TRIP4: variants seen among roughly 807,000 people sequenced by gnomAD.
TRIP4 encodes the protein thyroid hormone receptor interactor 4.
A neutral mutation model predicts 81.8 loss-of-function variants in TRIP4; 54 were observed. That is an observed-to-expected ratio of 0.66 (90% CI 0.53 to 0.83). The LOEUF is 0.83. Ranked by LOEUF, TRIP4 falls within the 40% of genes least tolerant of loss-of-function variation. The pLI, the probability that TRIP4 is intolerant of heterozygous loss-of-function variation, is 0.00. For missense variants in TRIP4, 662 were observed against 683.6 expected (o/e 0.97, Z 0.35); for synonymous variants, 270 against 242.8 (o/e 1.11, Z -1.04).
At chr15:64,388,437 G>C (rs888705040) in intron 1 of TRIP4, among the ~76,000 whole-genome samples, 1 of 152,142 alleles carries the variant, frequency 6.6e-6, no homozygotes, top group Non-Finnish European at 1.5e-5. Flanking sequence ...CTCCCAAGTA[G>C]CTGGGATTAC....
chr15:64,423,742 C>T (rs1596350917), intron 9 of TRIP4, among the ~76,000 whole-genome samples: 1 of 152,194 alleles, frequency 6.6e-6, no homozygotes, highest in African/African-American at 2.4e-5. Context: ...CAAGACTGGT[C>T]AGGGTTCCAA....
intron 2 of TRIP4, among the ~76,000 whole-genome samples, 157 bp downstream of exon 2, chr15:64,394,272 C>G (rs1900222332): frequency 6.6e-6 from 1 of 151,826 alleles, no homozygotes. Context: ...TCTACTCAAT[C>G]CGTAATGAAT....
intron 8 of TRIP4, among the ~76,000 whole-genome samples, chr15:64,418,304 G>A (rs1262035914): frequency 6.6e-6 from 1 of 152,128 alleles, no homozygotes; most frequent in African/African-American, 2.4e-5. Context: ...TAGAGATGGG[G>A]TTTCACCATG....
At chr15:64,447,098 C>T (rs576457904) in intron 12 of TRIP4, among the ~76,000 whole-genome samples, 63 of 152,004 alleles carry the variant, frequency 4.1e-4, no homozygotes, top group Admixed American at 1.0e-3. Context: ...AGCGAGACTC[C>T]GTCTCAAAAC....
chr15:64,390,442 C>G (rs114504930), intron 1 of TRIP4, among the ~76,000 whole-genome samples: 1,960 of 149,718 alleles, frequency 0.013, 33 homozygotes, highest in African/African-American at 0.046. Flanking sequence ...TCCTGGGTGA[C>G]AGAGTGAGAC....
intron 12 of TRIP4, among the ~76,000 whole-genome samples, chr15:64,445,449 A>ACCC (rs986246174): frequency 7.1e-6 from 1 of 140,478 alleles, no homozygotes; most frequent in Non-Finnish European, 1.5e-5. Context: ...ACATGGTGAA[A>ACCC]CCCCCCCGTC....
At chr15:64,431,831 T>TTATATATATATATATATATATATATATA (rs1223726422) in intron 11 of TRIP4, among the ~76,000 whole-genome samples, 1 of 42,410 alleles carries the variant, frequency 2.4e-5, no homozygotes, top group African/African-American at 4.5e-5. Flanking sequence ...ACCATTTATA[T>TTATATATATATATATATATATATATATA]TATATATATA....
Position 64,445,105 on chromosome 15 carries a change from AT to A in TRIP4, c.1676del (p.Ile559ThrfsTer16), listed in dbSNP as rs1436185095. ...GTTTCCTATTAAAGGAAATCCAAAA[AT>A]CTGTAAGTCATGATTTTTTTTCTTT... is the stretch of plus-strand genomic sequence containing the variant. ...VKFPIKGNPK[I>X]WKLDSKIHQG... On this transcript the variant is annotated frameshift_variant and splice_region_variant, in exon 12 of 13. Coordinates refer to ENST00000261884, the MANE Select transcript of TRIP4 (RefSeq NM_016213.5). LOFTEE classifies it high-confidence loss of function. 1 of 1,574,438 alleles carries A rather than the reference AT, an allele frequency of 6.4e-7. No individual in the cohort carries two copies. Among genetic ancestry groups the A allele is most frequent in the East Asian group, 2.2e-5 (1 of 44,524 alleles).
Position 64,451,817 on chromosome 15 carries a change from C to T in TRIP4, c.1679-3180C>T, listed in dbSNP as rs189982714. ...TACAGACACCCTCCACCACGCCCAA[C>T]TAATTTTTGTATTTTTAGTAGAGAC... On this transcript the variant is annotated intron_variant, in intron 12 of 12. Transcript: ENST00000261884. Among the ~76,000 whole-genome samples the T allele has an allele frequency of 1.2e-4, 18 of 151,636 alleles. No homozygotes were observed. The East Asian group carries it at 3.5e-3, about 29-fold the overall frequency.
rs920489784 is a variant in TRIP4 at position 64,409,625 on chromosome 15, C to A, written c.840C>A (p.Thr280=). 1.3e-5 allele frequency: 21 copies of A among 1,613,930 alleles called. No individual in the cohort carries two copies. The highest frequency in any genetic ancestry group is 1.7e-5 in the Non-Finnish European group (20 of 1,180,010). The change falls in exon 7 of 13, where the codon ACC becomes ACA. Residue 280 remains threonine (T), a synonymous_variant. Transcript: ENST00000261884. The stretch of plus-strand genomic sequence containing the variant: ...CCCTTTTTCTCAGTATTCGAAGGAC[C>A]CAAGTCATTGATGATGAGTCAGATT... ...LEFDRTSIRR[T]QVIDDESDYF...
chr15:64,449,823 C>T (rs932911756), intron 12 of TRIP4, among the ~76,000 whole-genome samples: 1 of 152,148 alleles, frequency 6.6e-6, no homozygotes, highest in African/African-American at 2.4e-5. Flanking sequence ...TCTATAAACT[C>T]ATGCACCTTA....
chr15:64,407,324 C>T (rs1045635434), intron 6 of TRIP4, among the ~76,000 whole-genome samples: 5 of 152,152 alleles, frequency 3.3e-5, no homozygotes, highest in African/African-American at 1.2e-4. Context: ...ATTCACTCTT[C>T]ATCCTTTCAG....
intron 11 of TRIP4, 26 bp downstream of exon 11, chr15:64,425,657 T>G (rs773273737): frequency 6.4e-7 from 1 of 1,552,150 alleles, no homozygotes; most frequent in Non-Finnish European, 8.8e-7. Flanking sequence ...TTTTTTTTTT[T>G]AGAGACAGGG....
intron 11 of TRIP4, among the ~76,000 whole-genome samples, chr15:64,429,115 G>T (rs1280099814): frequency 2.0e-5 from 3 of 149,790 alleles, no homozygotes; most frequent in Admixed American, 6.7e-5. Context: ...AGGAGTTCGA[G>T]ACCAGCCTGG....
chr15:64,402,671 A>G lies in TRIP4; in HGVS notation c.697+1850A>G, dbSNP rs1891537849. Among the ~76,000 whole-genome samples, 2 of 151,306 alleles carry G rather than the reference A, an allele frequency of 1.3e-5. 1 individual carries two copies. The highest frequency in any genetic ancestry group is 4.2e-4 in the South Asian group (2 of 4,798). On this transcript the variant is annotated intron_variant, in intron 5 of 12. Transcript: ENST00000261884. ...CTCAAGTAGCTGGGATTACAAGCGC[A>G]TGCCACCTTGTCCAGCTAATTTTTT...
At chr15:64,406,571 A>G in intron 6 of TRIP4, 112 bp downstream of exon 6, 1 of 1,323,796 alleles carries the variant, frequency 7.6e-7, no homozygotes, top group Non-Finnish European at 1.0e-6. Flanking sequence ...AGTTTATAGC[A>G]AAAGAAGAGC....
chr15:64,419,577 C>T (rs1410325229), intron 9 of TRIP4, among the ~76,000 whole-genome samples: 1 of 151,684 alleles, frequency 6.6e-6, no homozygotes, highest in Non-Finnish European at 1.5e-5. Context: ...CCAGGCTGGT[C>T]TCGATCTCCT....
chr15:64,445,118 GA>G lies in TRIP4; in HGVS notation c.1678+11del. Reference sequence around the variant, plus strand: ...GGAAATCCAAAAATCTGTAAGTCATGATTTTTTTTCTTTAAGACTAGTCAAG... The same window carrying G: ...GGAAATCCAAAAATCTGTAAGTCATGTTTTTTTTCTTTAAGACTAGTCAAG... On this transcript the variant is annotated intron_variant, in intron 12 of 12. Transcript: ENST00000261884. 6.5e-7 allele frequency: 1 copy of G among 1,532,224 alleles called. No individual in the cohort carries two copies. The highest frequency in any genetic ancestry group is 9.0e-7 in the Non-Finnish European group (1 of 1,115,932). 94.9% of individuals were successfully genotyped at this position (1,532,224 alleles called of 1,614,324 possible). A position where few individuals can be genotyped will look rare whatever the true frequency, so the allele number is the denominator to read the frequency against.
In TRIP4 at chr15:64,438,833, C is replaced by T. The variant is rs145488748; in HGVS notation, c.1576-6173C>T. On this transcript the variant is annotated intron_variant, in intron 11 of 12. Coordinates refer to ENST00000261884, the MANE Select transcript of TRIP4 (RefSeq NM_016213.5). ...GAAACCACAGTGGAAATGTTACTGT[C>T]GATAAAATGAGACCTGGTTGTAGCT... Among the ~76,000 whole-genome samples the T allele has an allele frequency of 8.9e-4, 135 of 152,244 alleles. 2 individuals are homozygous for T. The East Asian group carries it at 0.021, about 24-fold the overall frequency.
Sources: gnomAD v4.1 joint callset for allele counts (sites outside exome capture counted in the v4.1 genomes callset) on GRCh38, gnomAD v4.1.1 for gene constraint, MANE v1.5 for transcripts, NCBI Gene and HGNC (gene_info 2026-07-23, HGNC 2026-07-21) for gene names.